Variants in SPAG16 observed in about 807,000 individuals in gnomAD.
SPAG16 encodes sperm-associated antigen 16 protein.
A neutral mutation model predicts 80.4 loss-of-function variants in SPAG16; 86 were observed. The ratio of observed to expected loss-of-function variants is 1.07; its 90% confidence interval spans 0.90 to 1.28. The LOEUF is 1.28. Ranked by LOEUF, SPAG16 falls within the 50% of genes most tolerant of loss-of-function variation. SPAG16 has a pLI of 0.00. For synonymous variants in SPAG16, 294 were observed against 265.9 expected (o/e 1.11, Z -1.03); for missense variants, 870 against 765.3 (o/e 1.14, Z -1.61).
chr2:213,356,043 G>A (rs891312277), intron 7 of SPAG16, among the ~76,000 whole-genome samples: 2 of 152,204 alleles, frequency 1.3e-5, no homozygotes, highest in South Asian at 2.1e-4. Context: ...AGGTATTTTC[G>A]ATCAATACCT....
chr2:214,028,256 G>C (rs1030547249), intron 13 of SPAG16, among the ~76,000 whole-genome samples: 1 of 151,990 alleles, frequency 6.6e-6, no homozygotes, highest in Non-Finnish European at 1.5e-5. Flanking sequence ...ACAAGGAGTA[G>C]AACTAGTCTA....
chr2:213,799,967 A>T (rs1054840031), intron 10 of SPAG16, among the ~76,000 whole-genome samples: 9 of 151,892 alleles, frequency 5.9e-5, no homozygotes, highest in African/African-American at 2.2e-4. Context: ...ATTGAAAAAA[A>T]AAAAAAAAAG....
At chr2:213,633,489 T>C (rs2062235271) in intron 10 of SPAG16, among the ~76,000 whole-genome samples, 2 of 152,178 alleles carry the variant, frequency 1.3e-5, no homozygotes. Flanking sequence ...TAAAATAATA[T>C]GTATTCTGTA....
chr2:213,582,312 T>G (rs1389353691), intron 10 of SPAG16, among the ~76,000 whole-genome samples: 1 of 152,162 alleles, frequency 6.6e-6, no homozygotes, highest in Non-Finnish European at 1.5e-5. Context: ...CTTTTATGCA[T>G]AACCTTTTAG....
At chr2:213,976,206 A>G (rs1184296176) in intron 12 of SPAG16, among the ~76,000 whole-genome samples, 1 of 150,362 alleles carries the variant, frequency 6.7e-6, no homozygotes, top group Non-Finnish European at 1.5e-5. Flanking sequence ...ATATATACAC[A>G]TACATATGTA....
At chr2:214,372,816 A>G (rs993233669) in intron 15 of SPAG16, among the ~76,000 whole-genome samples, 5 of 152,208 alleles carry the variant, frequency 3.3e-5, no homozygotes, top group Non-Finnish European at 5.9e-5. Flanking sequence ...CTCTGCTATC[A>G]CTGTTCACTT....
chr2:214,366,928 C>T (rs536924575), intron 15 of SPAG16, among the ~76,000 whole-genome samples: 3 of 152,222 alleles, frequency 2.0e-5, no homozygotes, highest in South Asian at 2.1e-4. Context: ...ATCTGTTATA[C>T]TCTTTTCAGA....
At chr2:214,160,668 A>G (rs933014473) in intron 15 of SPAG16, among the ~76,000 whole-genome samples, 1 of 151,934 alleles carries the variant, frequency 6.6e-6, no homozygotes. Context: ...GAACGTATAT[A>G]TAGAGAAAAT....
At chr2:214,028,347 A>G (rs916329067) in intron 13 of SPAG16, among the ~76,000 whole-genome samples, 2 of 152,052 alleles carry the variant, frequency 1.3e-5, no homozygotes, top group African/African-American at 4.8e-5. Context: ...AGAACTCAGG[A>G]TCACTTGGCA....
At chr2:214,085,434 A>G (rs1473783136) in intron 13 of SPAG16, among the ~76,000 whole-genome samples, 2 of 130,812 alleles carry the variant, frequency 1.5e-5, no homozygotes, top group Non-Finnish European at 1.7e-5. Context: ...GAGAGTTATC[A>G]TGAAAGTCTC....
At chr2:214,389,284 T>C (rs1295793297) in intron 15 of SPAG16, among the ~76,000 whole-genome samples, 2 of 152,044 alleles carry the variant, frequency 1.3e-5, no homozygotes, top group Non-Finnish European at 2.9e-5. Context: ...AGGAAAAAAA[T>C]GTTTTTCAAA....
intron 10 of SPAG16, among the ~76,000 whole-genome samples, chr2:213,561,963 C>G (rs1244971568): frequency 6.6e-6 from 1 of 152,140 alleles, no homozygotes; most frequent in Non-Finnish European, 1.5e-5. Flanking sequence ...GCCAATTATT[C>G]TGTCTTGAAA....
intron 10 of SPAG16, among the ~76,000 whole-genome samples, chr2:213,654,124 C>A (rs1056537900): frequency 6.6e-6 from 1 of 152,020 alleles, no homozygotes; most frequent in Admixed American, 6.6e-5. Flanking sequence ...AATACTAAAT[C>A]AGTAATGGAG....
Position 213,930,104 on chromosome 2 carries a change from C to G in SPAG16, c.1359C>G (p.Ser453=), listed in dbSNP as rs1450280021. The G allele has an allele frequency of 3.7e-6, 6 of 1,613,706 alleles. No homozygotes were observed. In the African/African-American group the frequency reaches 6.7e-5, roughly 18 times the overall value. The change falls in exon 12 of 16, where the codon TCC becomes TCG. Residue 453 remains serine, a synonymous_variant. Transcript: ENST00000331683. Reference sequence around the variant, plus strand: ...ACTCCTGCGGCAATTTTGTGGCTTCCTCCTCACTGGATAAAACTAGCAAAA... The same window carrying G: ...ACTCCTGCGGCAATTTTGTGGCTTCGTCCTCACTGGATAAAACTAGCAAAA... ...TWHSCGNFVA[S]SSLDKTSKIW... is the part of the protein sequence containing the mutation.
chr2:213,286,732 A>G (rs2062069774), intron 1 of SPAG16, among the ~76,000 whole-genome samples: 1 of 152,252 alleles, frequency 6.6e-6, no homozygotes, highest in Non-Finnish European at 1.5e-5. Context: ...AGATGCTCCT[A>G]GTACATTAGA....
rs556853371 is a variant in SPAG16 at position 214,263,279 on chromosome 2, C to T, written c.1720+114013C>T. On this transcript the variant is annotated intron_variant, in intron 15 of 15. Coordinates refer to ENST00000331683, the MANE Select transcript of SPAG16 (RefSeq NM_024532.5). Reference sequence around the variant, plus strand: ...TATGCATTTTAGCTTCTTGACTCAGCATAATCTCTCATCTGTCCTCTCCGG... The same window carrying T: ...TATGCATTTTAGCTTCTTGACTCAGTATAATCTCTCATCTGTCCTCTCCGG... Among the ~76,000 whole-genome samples, 72 of 152,118 alleles carry T rather than the reference C, an allele frequency of 4.7e-4. 1 individual carries two copies. Among genetic ancestry groups the T allele is most frequent in the Non-Finnish European group, 9.7e-4 (66 of 68,022 alleles).
At position 213,702,315 on chromosome 2, in the gene SPAG16, C is replaced by T. The variant is rs148614644; in HGVS notation, c.1071-160170C>T. On this transcript the variant is annotated intron_variant, in intron 10 of 15. Coordinates refer to ENST00000331683, the MANE Select transcript of SPAG16 (RefSeq NM_024532.5). ...GCTGCCCGAGCCAGCTGCGGCAACC[C>T]GCTTGGGTCTCTTTTCATGCTGTGG... Among the ~76,000 whole-genome samples, 766 of 152,348 alleles carry T rather than the reference C, an allele frequency of 5.0e-3. 7 individuals carry two copies. Among genetic ancestry groups the T allele is most frequent in the African/African-American group, 0.017 (697 of 41,580 alleles).
intron 13 of SPAG16, among the ~76,000 whole-genome samples, chr2:214,064,498 A>G (rs986109056): frequency 1.3e-5 from 2 of 152,040 alleles, no homozygotes; most frequent in African/African-American, 4.8e-5. Flanking sequence ...AGACCTCTAC[A>G]TTGTATGTGT....
intron 10 of SPAG16, among the ~76,000 whole-genome samples, chr2:213,782,446 C>T: frequency 6.6e-6 from 1 of 152,046 alleles, no homozygotes; most frequent in East Asian, 1.9e-4. Context: ...TATGTAGTAC[C>T]AAATGTAACA....
Sources: allele counts gnomAD v4.1 joint callset (sites outside exome capture counted in the v4.1 genomes callset), GRCh38; gene constraint gnomAD v4.1.1; transcripts MANE v1.5; gene names NCBI Gene and HGNC (gene_info 2026-07-23, HGNC 2026-07-21).